The following TBC1D14 variants were observed in gnomAD, a reference collection of about 807,000 sequenced individuals.
TBC1D14 encodes the protein TBC1 domain family member 14, also known as TBC1 domain family, member 14.
Under a neutral mutation model 79.0 loss-of-function variants are expected in TBC1D14, and 26 were observed. The ratio of observed to expected loss-of-function variants is 0.33; its 90% CI spans 0.24 to 0.46. The LOEUF (loss-of-function observed/expected upper bound fraction) is 0.46. Among genes scored for constraint, TBC1D14 ranks in the 20% least tolerant of loss-of-function variants. The probability of loss-of-function intolerance (pLI) is 1.00; values close to 1 mark genes in which losing one functional copy is unlikely to be tolerated. For synonymous variants in TBC1D14, 394 were observed against 349.9 expected (o/e 1.13, Z -1.40); for missense variants, 769 against 887.6 (o/e 0.87, Z 1.70).
At chr4:6,945,564 C>T (rs1191789626) in intron 2 of TBC1D14, among the ~76,000 whole-genome samples, 2 of 151,922 alleles carry the variant, frequency 1.3e-5, no homozygotes. Flanking sequence ...GCCTGACCAA[C>T]ATGGAGAAAC....
intron 6 of TBC1D14, 81 bp downstream of exon 6, chr4:6,999,283 C>CCAG: frequency 8.2e-7 from 1 of 1,217,316 alleles, no homozygotes; most frequent in South Asian, 1.2e-5. Flanking sequence ...GTCGTCATAG[C>CCAG]CAGCAGTGAC....
chr4:6,957,931 A>C (rs895026858), intron 2 of TBC1D14, among the ~76,000 whole-genome samples: 10 of 135,102 alleles, frequency 7.4e-5, no homozygotes, highest in Non-Finnish European at 1.4e-4. Context: ...AAAAATAAAT[A>C]AAAAAGGAGT....
intron 2 of TBC1D14, among the ~76,000 whole-genome samples, chr4:6,958,214 CAGTT>C (rs1282254754): frequency 1.3e-5 from 2 of 152,170 alleles, no homozygotes; most frequent in African/African-American, 4.8e-5. Flanking sequence ...GGCCAGCCCA[CAGTT>C]AGAGCCGGAG....
intron 1 of TBC1D14, 141 bp from the exon 2 acceptor site, chr4:6,923,232 C>T (rs34463709): frequency 0.11 from 109,687 of 979,052 alleles, 6,917 homozygotes; most frequent in South Asian, 0.17. Context: ...AGCTTCTGGA[C>T]TTGAATCAAA....
intron 2 of TBC1D14, among the ~76,000 whole-genome samples, chr4:6,927,922 C>T (rs1724416453): frequency 6.6e-6 from 1 of 152,162 alleles, no homozygotes; most frequent in African/African-American, 2.4e-5. Flanking sequence ...CATATGAGCC[C>T]AGTGTAGATT....
intron 2 of TBC1D14, among the ~76,000 whole-genome samples, chr4:6,930,996 G>A (rs1433253845): frequency 6.6e-6 from 1 of 152,000 alleles, no homozygotes; most frequent in Non-Finnish European, 1.5e-5. Context: ...TGCCTCCCGG[G>A]TTCAAACGCT....
chr4:6,987,177 C>T, intron 3 of TBC1D14: 2 of 1,214,302 alleles, frequency 1.6e-6, no homozygotes, highest in Non-Finnish European at 2.0e-6. Flanking sequence ...CGGATCGCCT[C>T]GCTGTGTCTG....
Position 6,971,968 on chromosome 4 carries a change from A to G in TBC1D14, c.843+4544A>G, listed in dbSNP as rs189561502. On this transcript the variant is annotated intron_variant, in intron 3 of 13. Coordinates refer to ENST00000409757, the MANE Select transcript of TBC1D14 (RefSeq NM_020773.3). Reference sequence around the variant, plus strand: ...ACCGGAGAAGTTATTGTGGATAAAGATGGGAGCATGTATTTGGAGAGAGCT... The same window carrying G: ...ACCGGAGAAGTTATTGTGGATAAAGGTGGGAGCATGTATTTGGAGAGAGCT... Among the ~76,000 whole-genome samples the G allele has an allele frequency of 5.9e-5, 9 of 152,332 alleles. No individual in the cohort carries two copies. The East Asian group carries it at 1.7e-3, about 29-fold the overall frequency.
rs568055204 is a variant in TBC1D14 at position 6,969,483 on chromosome 4, G to GC, written c.843+2060dup. ...TGCAGTGGTGCGATCTTGGCTCGCT[G>GC]CACGCTCCGCCTCCCGGATTCATGT... On this transcript the variant is annotated intron_variant, in intron 3 of 13. Coordinates refer to ENST00000409757, the MANE Select transcript of TBC1D14 (RefSeq NM_020773.3). Among the ~76,000 whole-genome samples the GC allele has an allele frequency of 3.9e-3, 595 of 152,128 alleles. 2 individuals carry two copies. The highest frequency in any genetic ancestry group is 5.4e-3 in the Non-Finnish European group (366 of 68,008).
chr4:6,931,473 C>T (rs560608303), intron 2 of TBC1D14, among the ~76,000 whole-genome samples: 1 of 152,250 alleles, frequency 6.6e-6, no homozygotes, highest in African/African-American at 2.4e-5. Context: ...TGGAAACATG[C>T]AGCTGATGGT....
chr4:6,972,270 ATATAAT>A (rs1407097331), intron 3 of TBC1D14, among the ~76,000 whole-genome samples: 1 of 152,214 alleles, frequency 6.6e-6, no homozygotes, highest in Admixed American at 6.5e-5. Flanking sequence ...ATAACTCTAC[ATATAAT>A]TATAGTTGTG....
chr4:6,947,497 CAAA>C (rs35832243), intron 2 of TBC1D14, among the ~76,000 whole-genome samples: 3 of 139,888 alleles, frequency 2.1e-5, no homozygotes, highest in Non-Finnish European at 3.1e-5. Context: ...GACCCTGTCT[CAAA>C]AAAAAAAAAA....
chr4:7,020,787 G>A (rs1282229948), intron 12 of TBC1D14, among the ~76,000 whole-genome samples: 3 of 151,904 alleles, frequency 2.0e-5, no homozygotes, highest in Non-Finnish European at 4.4e-5. Flanking sequence ...TGCAGCCTCC[G>A]CCTCCCAGGC....
chr4:6,943,453 T>G (rs1007913317), intron 2 of TBC1D14, among the ~76,000 whole-genome samples: 2 of 152,194 alleles, frequency 1.3e-5, no homozygotes, highest in Non-Finnish European at 2.9e-5. Flanking sequence ...TCCAGACCAG[T>G]TGGTGTGGCC....
intron 8 of TBC1D14, among the ~76,000 whole-genome samples, chr4:7,006,124 C>A (rs555055953): frequency 3.6e-4 from 55 of 152,154 alleles, no homozygotes; most frequent in Middle Eastern, 3.4e-3. Flanking sequence ...CAGATAAGGC[C>A]AGGAGTTCAA....
intron 2 of TBC1D14, chr4:6,954,268 C>T (rs1342989588): frequency 2.8e-6 from 2 of 717,284 alleles, no homozygotes; most frequent in Non-Finnish European, 5.2e-6. Context: ...GCTTCTGCAG[C>T]CGGCCCCTCG....
chr4:7,018,258 ACTGC>A (rs559152345), intron 12 of TBC1D14, among the ~76,000 whole-genome samples: 174 of 152,310 alleles, frequency 1.1e-3, no homozygotes, highest in Non-Finnish European at 2.0e-3. Context: ...TCAGCAGCTA[ACTGC>A]CTGAGCAAGA....
chr4:6,914,135 CAAA>C (rs34129252), intron 1 of TBC1D14, among the ~76,000 whole-genome samples: 2 of 137,520 alleles, frequency 1.5e-5, no homozygotes, highest in Non-Finnish European at 1.6e-5. Context: ...GACCCCATCT[CAAA>C]AAAAAAAAAA....
At chr4:6,933,449 C>T (rs116063520) in intron 2 of TBC1D14, among the ~76,000 whole-genome samples, 2,707 of 151,422 alleles carry the variant, frequency 0.018, 93 homozygotes, top group African/African-American at 0.063. Context: ...GGATCACAGA[C>T]GTGCGCCATC....
Sources: gnomAD v4.1 joint callset for allele counts (sites outside exome capture counted in the v4.1 genomes callset) on GRCh38, gnomAD v4.1.1 for gene constraint, MANE v1.5 for transcripts, NCBI Gene and HGNC (gene_info 2026-07-23, HGNC 2026-07-21) for gene names.